Variants in TRDN observed in about 807,000 individuals in gnomAD.
The protein encoded by TRDN is triadin.
In TRDN, 161 loss-of-function variants were observed where a neutral mutation model predicts 149.7. That is an observed-to-expected ratio of 1.08 (90% confidence interval 0.95 to 1.23). The LOEUF is 1.23. TRDN is among the 50% of genes most tolerant of loss of function. The pLI is 0.00. For missense variants in TRDN, 896 were observed against 823.5 expected (o/e 1.09, Z -1.08); for synonymous variants, 294 against 250.5 (o/e 1.17, Z -1.64).
chr6:123,423,765 A>G (rs1774002302), intron 12 of TRDN, among the ~76,000 whole-genome samples: 1 of 152,112 alleles, frequency 6.6e-6, no homozygotes. Context: ...GTCTTATTTT[A>G]TGGGGCAGCA....
intron 20 of TRDN, among the ~76,000 whole-genome samples, chr6:123,358,746 G>A (rs1389351893): frequency 6.6e-6 from 1 of 152,168 alleles, no homozygotes; most frequent in East Asian, 1.9e-4. Flanking sequence ...GCCTCCCAAA[G>A]CACTGGGATT....
intron 21 of TRDN, chr6:123,350,087 G>T (rs569577910): frequency 1.1e-4 from 110 of 978,314 alleles, no homozygotes; most frequent in Non-Finnish European, 1.3e-4. Flanking sequence ...TGATCAACAG[G>T]CTCCAACTTT....
intron 1 of TRDN, among the ~76,000 whole-genome samples, chr6:123,588,304 T>C (rs1375683522): frequency 2.0e-5 from 3 of 152,180 alleles, no homozygotes; most frequent in Admixed American, 6.5e-5. Flanking sequence ...CAAGTTGGAA[T>C]CTGGTATCTT....
chr6:123,616,663 G>A (rs1405455497), intron 1 of TRDN, among the ~76,000 whole-genome samples: 1 of 152,038 alleles, frequency 6.6e-6, no homozygotes, highest in African/African-American at 2.4e-5. Flanking sequence ...CCTCATCAAA[G>A]GTATGTCTAC....
chr6:123,567,397 C>T (rs554468488), intron 2 of TRDN, among the ~76,000 whole-genome samples: 1 of 152,306 alleles, frequency 6.6e-6, no homozygotes, highest in South Asian at 2.1e-4. Context: ...AACTCAATCA[C>T]ACCTTGTATT....
intron 22 of TRDN, 142 bp from the exon 23 acceptor site, chr6:123,332,071 CAT>C (rs916870838): frequency 1.7e-6 from 1 of 586,684 alleles, no homozygotes; most frequent in African/African-American, 1.9e-5. Flanking sequence ...TGGTTTTACT[CAT>C]ATAGGGACAA....
At chr6:123,589,767 T>C (rs1783692421) in intron 1 of TRDN, among the ~76,000 whole-genome samples, 1 of 152,156 alleles carries the variant, frequency 6.6e-6, no homozygotes, top group African/African-American at 2.4e-5. Context: ...TCACTAGTAA[T>C]GATAAATACT....
At chr6:123,251,103 T>C (rs559635056) in intron 38 of TRDN, among the ~76,000 whole-genome samples, 20 of 152,264 alleles carry the variant, frequency 1.3e-4, no homozygotes, top group African/African-American at 4.8e-4. Context: ...TCCAAGGGCC[T>C]TTCCTTTTAT....
intron 19 of TRDN, among the ~76,000 whole-genome samples, chr6:123,369,481 C>T (rs1346095926): frequency 1.3e-5 from 2 of 152,118 alleles, no homozygotes; most frequent in South Asian, 2.1e-4. Flanking sequence ...AAGACCCCCA[C>T]CCTGCAGCAG....
At chr6:123,237,168 G>T (rs992059541) in intron 38 of TRDN, among the ~76,000 whole-genome samples, 3 of 60,686 alleles carry the variant, frequency 4.9e-5, no homozygotes, top group South Asian at 7.0e-4. Flanking sequence ...TAGGTAACAC[G>T]AACTAATTTT....
chr6:123,596,329 T>C (rs894666212), intron 1 of TRDN, among the ~76,000 whole-genome samples: 1 of 151,974 alleles, frequency 6.6e-6, no homozygotes, highest in African/African-American at 2.4e-5. Context: ...GTAGCAGAGG[T>C]TGGTTTATGA....
chr6:123,453,170 A>T (rs1199964809), intron 10 of TRDN, among the ~76,000 whole-genome samples: 1 of 152,164 alleles, frequency 6.6e-6, no homozygotes, highest in African/African-American at 2.4e-5. Context: ...CATTGGAAAA[A>T]CCCTTCTAGA....
chr6:123,600,412 C>T (rs1236661468), intron 1 of TRDN, among the ~76,000 whole-genome samples: 1 of 151,886 alleles, frequency 6.6e-6, no homozygotes, highest in Non-Finnish European at 1.5e-5. Flanking sequence ...GGAATGCCCT[C>T]CTCAGAATGG....
chr6:123,533,086 T>C (rs953807491), intron 4 of TRDN, among the ~76,000 whole-genome samples: 1 of 152,184 alleles, frequency 6.6e-6, no homozygotes, highest in African/African-American at 2.4e-5. Flanking sequence ...TTGGACGTAC[T>C]AAGGGAGTTG....
intron 24 of TRDN, among the ~76,000 whole-genome samples, chr6:123,315,926 T>C (rs1304267052): frequency 1.3e-5 from 2 of 151,880 alleles, no homozygotes; most frequent in African/African-American, 2.4e-5. Context: ...TAATGGCCAA[T>C]AGGTCAATGG....
intron 5 of TRDN, among the ~76,000 whole-genome samples, chr6:123,527,554 C>G (rs1780012956): frequency 6.6e-6 from 1 of 151,876 alleles, no homozygotes; most frequent in African/African-American, 2.4e-5. Flanking sequence ...TTGGAGGTAA[C>G]TTGTACTAGA....
intron 5 of TRDN, chr6:123,529,104 C>T: frequency 6.8e-7 from 1 of 1,473,792 alleles, no homozygotes; most frequent in East Asian, 2.5e-5. Flanking sequence ...ATGGTGCCAT[C>T]TACATTACTA....
At chr6:123,535,566 C>T (rs910147572) in intron 4 of TRDN, among the ~76,000 whole-genome samples, 1 of 152,104 alleles carries the variant, frequency 6.6e-6, no homozygotes, top group Non-Finnish European at 1.5e-5. Context: ...GCATTTACAA[C>T]TTTCTTTCAT....
chr6:123,229,189 G>GA (rs1484758378), intron 38 of TRDN, among the ~76,000 whole-genome samples: 1 of 151,814 alleles, frequency 6.6e-6, no homozygotes, highest in Non-Finnish European at 1.5e-5. Flanking sequence ...ATAGAGTCAT[G>GA]AAAAAATGGG....
Sources: gnomAD v4.1 joint callset for allele counts (sites outside exome capture counted in the v4.1 genomes callset) on GRCh38, gnomAD v4.1.1 for gene constraint, MANE v1.5 for transcripts, NCBI Gene and HGNC (gene_info 2026-07-23, HGNC 2026-07-21) for gene names.